Variants in SYNPO2 observed in about 807,000 individuals in gnomAD.
The protein encoded by SYNPO2 is synaptopodin 2, also known as synaptopodin-2.
A neutral mutation model predicts 85.0 loss-of-function variants in SYNPO2; 56 were observed. The ratio of observed to expected loss-of-function variants is 0.66; its 90% CI spans 0.53 to 0.82. The LOEUF (loss-of-function observed/expected upper bound fraction) is 0.82, where lower values mean the gene tolerates loss of function less well. SYNPO2 is among the 40% of genes least tolerant of loss of function. The pLI, the probability that SYNPO2 is intolerant of heterozygous loss-of-function variation, is 0.00. For missense variants in SYNPO2, 1,575 were observed against 1,534.2 expected (o/e 1.03, Z -0.44); for synonymous variants, 602 against 591.1 (o/e 1.02, Z -0.27).
rs192422764 is a variant in SYNPO2, at chr4:119,003,094, T to A, written c.106-20336T>A. ...TTTTTGTCTTGCTGTATTAGTCCAC[T>A]GCTGTATTAGTCACACTGCTATAAA... On this transcript the variant is annotated intron_variant, in intron 1 of 4. Coordinates refer to ENST00000307142, the MANE Select transcript of SYNPO2 (RefSeq NM_133477.3). Among the ~76,000 whole-genome samples, 11 of 152,324 alleles carry A rather than the reference T, an allele frequency of 7.2e-5. No individual in the cohort carries two copies. In the East Asian group the frequency reaches 2.1e-3, roughly 29 times the overall value.
intron 1 of SYNPO2, among the ~76,000 whole-genome samples, chr4:118,927,587 A>C (rs956963651): frequency 6.6e-6 from 1 of 152,132 alleles, no homozygotes; most frequent in African/African-American, 2.4e-5. Context: ...AAGAGAGAGA[A>C]AGAGGTATGT....
chr4:118,861,321 T>TTTTTA (rs1411280596), intron 1 of SYNPO2, among the ~76,000 whole-genome samples: 11 of 151,908 alleles, frequency 7.2e-5, no homozygotes, highest in East Asian at 1.9e-4. Context: ...CCCGGCTAAT[T>TTTTTA]TTTTATTTTA....
intron 4 of SYNPO2, chr4:119,042,798 T>G (rs973733571): frequency 6.6e-6 from 1 of 152,210 alleles, no homozygotes; most frequent in East Asian, 1.9e-4. Flanking sequence ...GGTGACGGCT[T>G]TGATCCTAAC....
At chr4:118,901,644 T>G (rs1487703631) in intron 1 of SYNPO2, among the ~76,000 whole-genome samples, 1 of 152,212 alleles carries the variant, frequency 6.6e-6, no homozygotes, top group Non-Finnish European at 1.5e-5. Flanking sequence ...TCAATTTCCT[T>G]GAAACTAGAT....
chr4:119,012,393 T>TTTTTTTTTTTTTTTTTTTTTA (rs1553946399), intron 1 of SYNPO2, among the ~76,000 whole-genome samples: 2 of 130,822 alleles, frequency 1.5e-5, no homozygotes, highest in African/African-American at 2.8e-5. Context: ...TTTTTTTTTT[T>TTTTTTTTTTTTTTTTTTTTTA]ATTTTACTTT....
intron 4 of SYNPO2, among the ~76,000 whole-genome samples, chr4:119,039,617 A>G (rs1024964545): frequency 6.6e-6 from 1 of 152,138 alleles, no homozygotes; most frequent in African/African-American, 2.4e-5. Context: ...AAATTCCCAC[A>G]GTGCACTAGA....
chr4:118,913,425 C>A (rs935570260), intron 1 of SYNPO2, among the ~76,000 whole-genome samples: 14 of 152,216 alleles, frequency 9.2e-5, no homozygotes, highest in African/African-American at 3.4e-4. Context: ...AGAGACTAAA[C>A]TTTTTCAAGA....
At position 119,030,255 on chromosome 4, in the gene SYNPO2, A is replaced by C; in HGVS notation, c.1480A>C (p.Met494Leu). The change falls in exon 4 of 5, where the codon ATG (methionine) becomes CTG (leucine). Residue 494 changes from methionine (M) to leucine (L), a missense_variant. By Grantham distance (15) the Met-to-Leu change is conservative. This residue lies in a region of SYNPO2 where 1,508 missense variants were observed against 1,446.8 expected (regional missense o/e 1.04). Transcript: ENST00000307142. ...LPDTTGKGAL[M>L]FAKRRERMDQ... ...AGACACCACAGGCAAGGGAGCCCTC[A>C]TGTTTGCCAAGAGGAGGGAGAGAAT... The C allele has an allele frequency of 6.2e-7, 1 of 1,614,036 alleles. No homozygotes were observed. Among genetic ancestry groups the C allele is most frequent in the Non-Finnish European group, 8.5e-7 (1 of 1,179,992 alleles).
intron 1 of SYNPO2, among the ~76,000 whole-genome samples, chr4:118,931,331 C>A (rs188103925): frequency 6.6e-6 from 1 of 152,256 alleles, no homozygotes; most frequent in East Asian, 1.9e-4. Flanking sequence ...AGTTTGGGTG[C>A]TTGCTATGAT....
At chr4:119,034,175 G>A in intron 4 of SYNPO2, 1 of 985,290 alleles carries the variant, frequency 1.0e-6, no homozygotes, top group Non-Finnish European at 1.2e-6. Flanking sequence ...TTTTCTAATA[G>A]AACAACCAAA....
chr4:118,912,602 A>G (rs1733178890), intron 1 of SYNPO2, among the ~76,000 whole-genome samples: 1 of 152,236 alleles, frequency 6.6e-6, no homozygotes, highest in Admixed American at 6.5e-5. Flanking sequence ...CAGCTGTTCA[A>G]ATAAAGACTT....
chr4:118,886,380 G>A (rs1043078002), upstream of SYNPO2, among the ~76,000 whole-genome samples: 1 of 152,070 alleles, frequency 6.6e-6, no homozygotes, highest in Admixed American at 6.6e-5. Context: ...TGCGTTATGT[G>A]TCGTAATGCT....
chr4:118,892,465 G>C (rs1308544960), intron 1 of SYNPO2, among the ~76,000 whole-genome samples: 1 of 152,136 alleles, frequency 6.6e-6, no homozygotes, highest in Non-Finnish European at 1.5e-5. Flanking sequence ...CCCACTGTGT[G>C]TGCAGATAGC....
chr4:118,900,318 G>A (rs114457622), intron 1 of SYNPO2, among the ~76,000 whole-genome samples: 254 of 152,118 alleles, frequency 1.7e-3, no homozygotes, highest in South Asian at 5.0e-3. Flanking sequence ...AAAGCCACTC[G>A]TCATCACAGA....
intron 1 of SYNPO2, among the ~76,000 whole-genome samples, chr4:118,911,363 G>A (rs1346071781): frequency 3.3e-5 from 5 of 152,078 alleles, no homozygotes; most frequent in Non-Finnish European, 7.4e-5. Context: ...CAGTCACAAG[G>A]AATTTCTCTG....
At chr4:118,874,905 T>C (rs1175645626) in intron 1 of SYNPO2, among the ~76,000 whole-genome samples, 5 of 152,216 alleles carry the variant, frequency 3.3e-5, no homozygotes, top group Admixed American at 3.3e-4. Flanking sequence ...GTGCAGAATG[T>C]GCAGGTTTGT....
chr4:118,941,560 T>C (rs1209068074), intron 1 of SYNPO2, among the ~76,000 whole-genome samples: 1 of 152,228 alleles, frequency 6.6e-6, no homozygotes, highest in Non-Finnish European at 1.5e-5. Flanking sequence ...ACATTTTTTA[T>C]CCTTGGATGA....
intron 1 of SYNPO2, among the ~76,000 whole-genome samples, chr4:119,000,609 G>T (rs1736789261): frequency 6.6e-6 from 1 of 152,178 alleles, no homozygotes; most frequent in South Asian, 2.1e-4. Flanking sequence ...GCATGGTGCT[G>T]AAATGTTGTT....
chr4:119,025,405 T>C (rs953480570), intron 2 of SYNPO2, among the ~76,000 whole-genome samples: 1 of 152,236 alleles, frequency 6.6e-6, no homozygotes, highest in Admixed American at 6.5e-5. Context: ...GTATAAATAC[T>C]GTATTACAGG....
Sources: allele counts gnomAD v4.1 joint callset (sites outside exome capture counted in the v4.1 genomes callset), GRCh38; gene constraint gnomAD v4.1.1; regional missense constraint gnomAD v4.1.1; transcripts MANE v1.5; gene names NCBI Gene and HGNC (gene_info 2026-07-23, HGNC 2026-07-21).